RALGPS1: variants seen among roughly 807,000 people sequenced by gnomAD.
RALGPS1 encodes Ral GEF with PH domain and SH3 binding motif 1, also known as ras-specific guanine nucleotide-releasing factor RalGPS1.
In RALGPS1, 19 loss-of-function variants were observed where a neutral mutation model predicts 78.8. The observed-to-expected ratio is 0.24, with a 90% CI of 0.17 to 0.35. The LOEUF is 0.35. RALGPS1 is among the 10% of genes least tolerant of loss of function. The probability of loss-of-function intolerance (pLI) is 1.00; values close to 1 mark genes in which losing one functional copy is unlikely to be tolerated. For missense variants in RALGPS1, 454 were observed against 688.3 expected (o/e 0.66, Z 3.81); for synonymous variants, 228 against 256.3 (o/e 0.89, Z 1.06).
At chr9:127,151,789 A>C (rs562451784) in intron 8 of RALGPS1, among the ~76,000 whole-genome samples, 171 of 152,234 alleles carry the variant, frequency 1.1e-3, no homozygotes, top group African/African-American at 3.9e-3. Context: ...GAGCCTGATA[A>C]ACTCTGAGTT....
chr9:127,097,238 G>T (rs2136650001), intron 8 of RALGPS1, among the ~76,000 whole-genome samples: 1 of 152,296 alleles, frequency 6.6e-6, no homozygotes, highest in South Asian at 2.1e-4. Flanking sequence ...AACGATTGTA[G>T]TGTCTGTTAT....
At chr9:127,198,018 C>T (rs1414595404) in intron 13 of RALGPS1, among the ~76,000 whole-genome samples, 4 of 152,194 alleles carry the variant, frequency 2.6e-5, no homozygotes, top group South Asian at 4.1e-4. Context: ...TTGTGAGCTG[C>T]GCCTGAGTCC....
intron 12 of RALGPS1, among the ~76,000 whole-genome samples, chr9:127,195,572 T>C (rs2061310661): frequency 6.6e-6 from 1 of 152,200 alleles, no homozygotes; most frequent in African/African-American, 2.4e-5. Flanking sequence ...TAGACACCAG[T>C]GACTGTCATC....
chr9:127,130,109 C>T (rs1358446587), intron 8 of RALGPS1, among the ~76,000 whole-genome samples: 3 of 152,170 alleles, frequency 2.0e-5, no homozygotes, highest in Admixed American at 1.3e-4. Context: ...GTGACTTGGT[C>T]GAGTCGATAG....
intron 4 of RALGPS1, among the ~76,000 whole-genome samples, chr9:126,986,318 G>A (rs1391856697): frequency 6.6e-6 from 1 of 152,220 alleles, no homozygotes; most frequent in African/African-American, 2.4e-5. Context: ...TGCAGATATA[G>A]CTTTGTAGCA....
chr9:127,055,908 T>G (rs1172281480), intron 7 of RALGPS1, among the ~76,000 whole-genome samples: 4 of 152,210 alleles, frequency 2.6e-5, no homozygotes, highest in South Asian at 2.1e-4. Flanking sequence ...TGGCTGCTGC[T>G]GGCCTGGCAC....
At chr9:127,149,626 G>A (rs2139008619) in intron 8 of RALGPS1, among the ~76,000 whole-genome samples, 1 of 152,326 alleles carries the variant, frequency 6.6e-6, no homozygotes, top group South Asian at 2.1e-4. Context: ...ACAGAGAGTG[G>A]GGACCACACA....
At chr9:127,207,654 G>A (rs2062007880) in intron 14 of RALGPS1, among the ~76,000 whole-genome samples, 1 of 152,230 alleles carries the variant, frequency 6.6e-6, no homozygotes, top group African/African-American at 2.4e-5. Context: ...GGTTCCAGTG[G>A]CTGAAGATCC....
chr9:127,014,449 A>G (rs1308069727), intron 4 of RALGPS1, among the ~76,000 whole-genome samples: 5 of 152,232 alleles, frequency 3.3e-5, no homozygotes, highest in African/African-American at 1.2e-4. Flanking sequence ...GCTGGAATTT[A>G]TCAAATTCTG....
chr9:127,188,056 CTTTTTTTT>C (rs35971647), intron 11 of RALGPS1, among the ~76,000 whole-genome samples: 2 of 81,670 alleles, frequency 2.4e-5, no homozygotes, highest in Non-Finnish European at 4.5e-5. Context: ...GAATTAGAGC[CTTTTTTTT>C]TTTTTTTTTT....
intron 4 of RALGPS1, among the ~76,000 whole-genome samples, chr9:126,978,614 A>C (rs567317022): frequency 6.6e-6 from 1 of 152,146 alleles, no homozygotes; most frequent in South Asian, 2.1e-4. Context: ...GTCAAAAAAA[A>C]AAAAAAAAGT....
intron 8 of RALGPS1, chr9:127,093,897 C>T (rs1484047012): frequency 1.9e-6 from 3 of 1,613,902 alleles, no homozygotes; most frequent in African/African-American, 1.3e-5. Context: ...TGGCCATCCT[C>T]CAGGGCCTGC....
chr9:127,021,886 G>A (rs1235783715), intron 4 of RALGPS1, among the ~76,000 whole-genome samples: 5 of 152,080 alleles, frequency 3.3e-5, no homozygotes, highest in Non-Finnish European at 5.9e-5. Flanking sequence ...GCTGCCCTGC[G>A]TTGACAGCTG....
intron 14 of RALGPS1, among the ~76,000 whole-genome samples, chr9:127,208,838 G>A (rs1480383749): frequency 1.3e-5 from 2 of 152,170 alleles, no homozygotes; most frequent in Non-Finnish European, 2.9e-5. Context: ...ACAAAGCCAC[G>A]CACTGTCTCA....
At chr9:127,041,532 G>C (rs1045865093) in intron 5 of RALGPS1, among the ~76,000 whole-genome samples, 1 of 152,178 alleles carries the variant, frequency 6.6e-6, no homozygotes, top group African/African-American at 2.4e-5. Flanking sequence ...TGTGTTTTAG[G>C]CATTCTAGTA....
At chr9:126,976,894 T>C (rs1199503509) in intron 3 of RALGPS1, among the ~76,000 whole-genome samples, 1 of 152,260 alleles carries the variant, frequency 6.6e-6, no homozygotes, top group Non-Finnish European at 1.5e-5. Flanking sequence ...TGATGCTTCC[T>C]GTTACTGTCA....
At chr9:127,189,624 C>T (rs182034577) in intron 11 of RALGPS1, among the ~76,000 whole-genome samples, 157 of 152,294 alleles carry the variant, frequency 1.0e-3, no homozygotes, top group African/African-American at 3.7e-3. Context: ...ACAAATGATA[C>T]AAGTTGGGTG....
intron 8 of RALGPS1, among the ~76,000 whole-genome samples, chr9:127,163,556 A>C (rs1484400083): frequency 6.6e-6 from 1 of 152,368 alleles, no homozygotes; most frequent in Admixed American, 6.5e-5. Context: ...AACAATGTGC[A>C]TCTATTTTAA....
chr9:127,061,732 G>C (rs1012050906), intron 7 of RALGPS1, among the ~76,000 whole-genome samples: 1 of 152,138 alleles, frequency 6.6e-6, no homozygotes, highest in East Asian at 1.9e-4. Context: ...GGGTAATAGA[G>C]TTTGTTCTTC....
Sources: allele counts gnomAD v4.1 joint callset (sites outside exome capture counted in the v4.1 genomes callset), GRCh38; gene constraint gnomAD v4.1.1; transcripts MANE v1.5; gene names NCBI Gene and HGNC (gene_info 2026-07-23, HGNC 2026-07-21).